CCDC134: variants seen among roughly 807,000 people sequenced by gnomAD.
CCDC134 encodes the protein coiled-coil domain containing 134.
Under a neutral mutation model 25.6 loss-of-function variants are expected in CCDC134, and 27 were observed. The ratio of observed to expected loss-of-function variants is 1.05; its 90% CI spans 0.78 to 1.45. The LOEUF is 1.45. Ranked by LOEUF, CCDC134 falls within the 40% of genes most tolerant of loss-of-function variation. The pLI is 0.00. For synonymous variants in CCDC134, 110 were observed against 115.0 expected, an observed-to-expected ratio of 0.96 and a Z score of 0.28; for missense variants, 261 against 286.7, an observed-to-expected ratio of 0.91 and a Z score of 0.65.
intron 6 of CCDC134, among the ~76,000 whole-genome samples, chr22:41,816,214 A>C (rs1259207403): frequency 6.6e-6 from 1 of 152,168 alleles, no homozygotes; most frequent in African/African-American, 2.4e-5. Context: ...GTTACGCTTG[A>C]TTTGAGTCAC....
chr22:41,829,132 A>G lies in CCDC134; in HGVS notation c.*3309A>G, dbSNP rs931873924. Among the ~76,000 whole-genome samples the G allele has an allele frequency of 6.6e-6, 1 of 152,134 alleles. No individual in the cohort carries two copies. Among genetic ancestry groups the G allele is most frequent in the African/African-American group, 2.4e-5 (1 of 41,396 alleles). ...TTACGACAACCAAAAATGTGTCCAG[A>G]CATTGCCAGATGTCCACTGGGAGGG... On this transcript the variant is annotated 3_prime_UTR_variant, in exon 7 of 7. Transcript: ENST00000255784.
chr22:41,816,917 A>G (rs2076625356), intron 6 of CCDC134, among the ~76,000 whole-genome samples: 1 of 152,192 alleles, frequency 6.6e-6, no homozygotes, highest in Non-Finnish European at 1.5e-5. Flanking sequence ...ACTGTCTCAC[A>G]AAAACAAAAC....
chr22:41,825,996 G>T lies in CCDC134; in HGVS notation c.*173G>T. On this transcript the variant is annotated 3_prime_UTR_variant, in exon 7 of 7. Coordinates refer to ENST00000255784, the MANE Select transcript of CCDC134 (RefSeq NM_024821.5). The surrounding 1 kb of genome is among the most constrained non-coding windows in gnomAD (Gnocchi z 4.4). ...CCCCAGCTGAAGGGACTGAGCCTCA[G>T]ATGGCTGGATTTTCTCTCAGGGGCC... 1.2e-6 allele frequency: 1 copy of T among 840,710 alleles called. No homozygotes were observed. Among genetic ancestry groups the T allele is most frequent in the Non-Finnish European group, 1.9e-6 (1 of 538,672 alleles). 52.1% of individuals were successfully genotyped at this position (840,710 alleles called of 1,614,324 possible).
In CCDC134 at chr22:41,825,815, G is replaced by T. The variant is rs1192253578; in HGVS notation, c.682G>T (p.Glu228Ter). ...CCCAAGGATCTCCAGATCCCAGTCT[G>T]AGTTATAGCCCTGGAGCAGCTCAGG... The part of the protein sequence containing the change: ...KGPRISRSQS[E>*]L Residue 228 changes from glutamate to a stop codon, truncating the protein, a stop_gained, in exon 7 of 7, where the codon GAG becomes TAG. Transcript: ENST00000255784. LOFTEE classifies it high-confidence loss of function. The surrounding 1 kb of genome is among the most constrained non-coding windows in gnomAD (Gnocchi z 4.4). The T allele has an allele frequency of 1.9e-6, 3 of 1,614,120 alleles. No individual in the cohort carries two copies. The highest frequency in any genetic ancestry group is 4.5e-5 in the East Asian group (2 of 44,886).
At position 41,830,819 on chromosome 22, in the gene CCDC134, G is replaced by A. The variant is rs57380124; in HGVS notation, c.*4996G>A. On this transcript the variant is annotated 3_prime_UTR_variant, in exon 7 of 7. Transcript: ENST00000255784. ...CTGTAACTATGTCTGACAGCCAGCT[G>A]TTGGGTCTTCCATCGTTTTTAACCT... is the stretch of plus-strand genomic sequence containing the variant. Among the ~76,000 whole-genome samples, 18,151 of 151,180 alleles carry A rather than the reference G, an allele frequency of 0.12. 1,625 individuals carry two copies. Among genetic ancestry groups the A allele is most frequent in the Admixed American group, 0.31 (4,731 of 15,210 alleles).
intron 1 of CCDC134, among the ~76,000 whole-genome samples, chr22:41,807,248 C>T (rs1023982314): frequency 3.3e-5 from 5 of 152,144 alleles, no homozygotes; most frequent in Non-Finnish European, 5.9e-5. Context: ...CAGGCCGTAA[C>T]AGCAGAGTTA....
intron 4 of CCDC134, among the ~76,000 whole-genome samples, chr22:41,812,951 C>T (rs185335226): frequency 6.6e-6 from 1 of 152,302 alleles, no homozygotes; most frequent in Admixed American, 6.5e-5. Context: ...CAAGATGTGC[C>T]TTTGGGCTGA....
chr22:41,822,892 TC>T (rs147624554), intron 6 of CCDC134, among the ~76,000 whole-genome samples: 1,885 of 152,232 alleles, frequency 0.012, 44 homozygotes, highest in African/African-American at 0.044. Flanking sequence ...CTTCTGTGAA[TC>T]CCCCCATCTT....
chr22:41,814,618 G>A (rs900303698), intron 6 of CCDC134, among the ~76,000 whole-genome samples: 2 of 151,816 alleles, frequency 1.3e-5, no homozygotes, highest in African/African-American at 4.8e-5. Flanking sequence ...GGGATTGGAA[G>A]TGACAGGGCT....
At chr22:41,808,128 C>T (rs2076577314) in intron 1 of CCDC134, among the ~76,000 whole-genome samples, 1 of 151,678 alleles carries the variant, frequency 6.6e-6, no homozygotes, top group African/African-American at 2.4e-5. Context: ...CCATTCCACT[C>T]CAGCCTGAGC....
rs2076698280 is a variant in CCDC134, at chr22:41,830,098, A to C, written c.*4275A>C. Among the ~76,000 whole-genome samples the C allele has an allele frequency of 6.6e-6, 1 of 152,204 alleles. No homozygotes were observed. The highest frequency in any genetic ancestry group is 1.5e-5 in the Non-Finnish European group (1 of 68,026). On this transcript the variant is annotated 3_prime_UTR_variant, in exon 7 of 7. Transcript: ENST00000255784. ...CCATCTCTTTTCAGATGAAGAGCTC[A>C]GGTTCTGAGGAGTGACTTGTCAAAA... is the stretch of plus-strand genomic sequence containing the variant.
chr22:41,827,468 T>C lies in CCDC134; in HGVS notation c.*1645T>C, dbSNP rs559460430. On this transcript the variant is annotated 3_prime_UTR_variant, in exon 7 of 7. Transcript: ENST00000255784. The stretch of plus-strand genomic sequence containing the variant: ...GTCTTGAACAAAGAATTGGGCAAAA[T>C]GCACAAAGCAAGGAAGGAATGAAGG... Among the ~76,000 whole-genome samples, 5 of 152,126 alleles carry C rather than the reference T, an allele frequency of 3.3e-5. No individual in the cohort carries two copies. The East Asian group carries it at 9.7e-4, about 29-fold the overall frequency.
Position 41,819,963 on chromosome 22 carries a change from T to TTATATATATATA in CCDC134, c.565-5710_565-5699dup, listed in dbSNP as rs34213936. On this transcript the variant is annotated intron_variant, in intron 6 of 6. Transcript: ENST00000255784. Reference sequence around the variant, plus strand: ...GGAGAGCAGGCTGTGACTTACCACTTTATATATATATATATATATATATAT... The same window carrying TTATATATATATA: ...GGAGAGCAGGCTGTGACTTACCACTTTATATATATATATATATATATATATATATATATATAT... Among the ~76,000 whole-genome samples, 340 of 82,536 alleles carry TTATATATATATA rather than the reference T, an allele frequency of 4.1e-3. 2 individuals carry two copies. The highest frequency in any genetic ancestry group is 0.019 in the East Asian group (34 of 1,784). The allele number at this position is 82,536 out of a possible 152,430, so 54.1% of individuals were successfully genotyped here. A position where few individuals can be genotyped will look rare whatever the true frequency, so the allele number is the denominator to read the frequency against.
In CCDC134 at chr22:41,832,088, G is replaced by A. The variant is rs535546441; in HGVS notation, c.*6265G>A. The A allele has an allele frequency of 3.9e-5, 6 of 152,286 alleles. 1 individual carries two copies. The East Asian group carries it at 9.6e-4, about 24-fold the overall frequency. 9.4% of individuals were successfully genotyped at this position (152,286 alleles called of 1,614,324 possible). ...ACAGCTGCCTCTCACAAACTGGCAGGAAACTTCAACTTTTCCCTTTTATCA... is the reference window on the plus strand; with the variant it reads ...ACAGCTGCCTCTCACAAACTGGCAGAAAACTTCAACTTTTCCCTTTTATCA... On this transcript the variant is annotated 3_prime_UTR_variant, in exon 7 of 7. Transcript: ENST00000255784.
rs145231436 is a variant in CCDC134 at position 41,813,414 on chromosome 22, A to G, written c.461A>G (p.Asn154Ser). Residue 154 changes from asparagine to serine, a missense_variant, in exon 5 of 7, where the codon AAC (asparagine) becomes AGC (serine). Asn to Ser is a conservative substitution (Grantham distance 46). Coordinates refer to ENST00000255784, the MANE Select transcript of CCDC134 (RefSeq NM_024821.5). ...TTCTGCAACCAGACAGGCGTCTTCA[A>G]CCAGGGGCCCCACTCGCCCATCCTC... ...ISFCNQTGVF[N>S]QGPHSPILSL... 3.7e-6 allele frequency: 6 copies of G among 1,614,212 alleles called. No homozygotes were observed. In the African/African-American group the frequency reaches 5.3e-5, roughly 14 times the overall value.
rs1047016379 is a variant in CCDC134, at chr22:41,827,238, G to A, written c.*1415G>A. ...AGAGAGCTGGGTGTGGGGGCTGGGAGGAGTGCTGGAGAAATTTCCCCATCA... is the reference window on the plus strand; with the variant it reads ...AGAGAGCTGGGTGTGGGGGCTGGGAAGAGTGCTGGAGAAATTTCCCCATCA... On this transcript the variant is annotated 3_prime_UTR_variant, in exon 7 of 7. Transcript: ENST00000255784. Among the ~76,000 whole-genome samples, 5 of 152,186 alleles carry A rather than the reference G, an allele frequency of 3.3e-5. No homozygotes were observed. The highest frequency in any genetic ancestry group is 1.9e-4 in the East Asian group (1 of 5,192).
chr22:41,805,789 T>C (rs1405856905), intron 1 of CCDC134, among the ~76,000 whole-genome samples: 1 of 151,938 alleles, frequency 6.6e-6, no homozygotes, highest in Non-Finnish European at 1.5e-5. Flanking sequence ...AAAATTATAA[T>C]AGCTGGGCAT....
intron 1 of CCDC134, among the ~76,000 whole-genome samples, chr22:41,801,711 T>A (rs2076544434): frequency 6.6e-6 from 1 of 152,098 alleles, no homozygotes; most frequent in Admixed American, 6.6e-5. Context: ...AGTGCAGAGA[T>A]TTTTGCTTAT....
In CCDC134 at chr22:41,813,295, C is replaced by T; in HGVS notation, c.342C>T (p.Phe114=). 2 of 1,614,202 alleles carry T rather than the reference C, an allele frequency of 1.2e-6. No homozygotes were observed. Among genetic ancestry groups the T allele is most frequent in the South Asian group, 2.2e-5 (2 of 91,088 alleles). Residue 114 remains phenylalanine (F), a synonymous_variant, in exon 5 of 7, where the codon TTC becomes TTT. Coordinates refer to ENST00000255784, the MANE Select transcript of CCDC134 (RefSeq NM_024821.5). ...CCCACGTGGTGGAGAACACGGCCTT[C>T]TTCGGCGATGTGGTGCTGCGCTTCC... is the stretch of plus-strand genomic sequence containing the variant. ...AFSHVVENTA[F]FGDVVLRFPR...
Sources: gnomAD v4.1 joint callset for allele counts (sites outside exome capture counted in the v4.1 genomes callset) on GRCh38, gnomAD v4.1.1 for gene constraint, Gnocchi (gnomAD v3.1) non-coding constraint, MANE v1.5 for transcripts, NCBI Gene and HGNC (gene_info 2026-07-23, HGNC 2026-07-21) for gene names.